ARSG: variants seen among roughly 807,000 people sequenced by gnomAD.
The protein encoded by ARSG is ASG.
In ARSG, 37 loss-of-function variants were observed where a neutral mutation model predicts 50.5. The ratio of observed to expected loss-of-function variants is 0.73; its 90% CI spans 0.56 to 0.96. ARSG has a LOEUF of 0.96. Among genes scored for constraint, ARSG ranks in the 50% least tolerant of loss-of-function variants. ARSG has a pLI of 0.00. For missense variants in ARSG, 629 were observed against 675.3 expected (o/e 0.93, Z 0.76); for synonymous variants, 225 against 254.6 (o/e 0.88, Z 1.11).
chr17:68,372,330 A>G (rs2079889437), intron 8 of ARSG, among the ~76,000 whole-genome samples: 1 of 152,182 alleles, frequency 6.6e-6, no homozygotes, highest in African/African-American at 2.4e-5. Context: ...ACTCCAAGAG[A>G]TAAAATAAAC....
intron 6 of ARSG, among the ~76,000 whole-genome samples, chr17:68,363,690 C>T (rs374226681): frequency 6.6e-6 from 1 of 152,100 alleles, no homozygotes; most frequent in Non-Finnish European, 1.5e-5. Context: ...TGGTCTCGAA[C>T]TCCTGACCTT....
intron 2 of ARSG, among the ~76,000 whole-genome samples, chr17:68,333,514 G>A (rs1266954910): frequency 2.0e-5 from 3 of 152,008 alleles, no homozygotes; most frequent in Admixed American, 6.6e-5. Context: ...TGTAATCCCA[G>A]CTACTTGGGA....
chr17:68,322,638 T>C (rs200803387), intron 2 of ARSG, among the ~76,000 whole-genome samples: 1 of 139,654 alleles, frequency 7.2e-6, no homozygotes, highest in South Asian at 2.2e-4. Context: ...TAAAAAAAAA[T>C]TAAAAAAAAA....
chr17:68,273,726 C>T (rs1422213001), intron 1 of ARSG, among the ~76,000 whole-genome samples: 1 of 152,154 alleles, frequency 6.6e-6, no homozygotes, highest in Non-Finnish European at 1.5e-5. Flanking sequence ...CAAACAAAAA[C>T]CCTTGGGCAC....
chr17:68,436,288 C>T, the ARSG span: 1 of 1,147,314 alleles, frequency 8.7e-7, no homozygotes, highest in Non-Finnish European at 1.3e-6. Context: ...CCACCGCCTC[C>T]AGCCCCCGAC....
At chr17:68,384,143 G>A in intron 8 of ARSG, among the ~76,000 whole-genome samples, 1 of 152,164 alleles carries the variant, frequency 6.6e-6, no homozygotes, top group East Asian at 1.9e-4. Context: ...ACCACAGTGT[G>A]TGTGAGCCAC....
chr17:68,284,543 C>T (rs1440675646), intron 1 of ARSG, among the ~76,000 whole-genome samples: 1 of 152,112 alleles, frequency 6.6e-6, no homozygotes, highest in African/African-American at 2.4e-5. Context: ...GTTACTAAGG[C>T]AAAGGTTTTA....
chr17:68,445,621 G>A, the ARSG span, among the ~76,000 whole-genome samples: 2 of 152,226 alleles, frequency 1.3e-5, no homozygotes, highest in Admixed American at 1.3e-4. Flanking sequence ...CCACATGAAA[G>A]CTTGTCAGGT....
chr17:68,398,187 C>A (rs751520654), intron 10 of ARSG, among the ~76,000 whole-genome samples: 2 of 152,128 alleles, frequency 1.3e-5, no homozygotes, highest in Non-Finnish European at 2.9e-5. Flanking sequence ...TACACATGTT[C>A]GCATATGCAT....
intron 1 of ARSG, chr17:68,274,219 A>G: frequency 1.3e-6 from 1 of 757,976 alleles, no homozygotes; most frequent in Non-Finnish European, 2.0e-6. Flanking sequence ...TAATCCCAGC[A>G]CTTTGGGAGG....
At chr17:68,292,473 T>C (rs1286897484) in intron 1 of ARSG, among the ~76,000 whole-genome samples, 1 of 152,170 alleles carries the variant, frequency 6.6e-6, no homozygotes, top group Admixed American at 6.5e-5. Flanking sequence ...AAACTTAGCT[T>C]CTTGGTCTCT....
At chr17:68,392,327 T>A (rs915864388) in intron 9 of ARSG, among the ~76,000 whole-genome samples, 1 of 152,118 alleles carries the variant, frequency 6.6e-6, no homozygotes, top group African/African-American at 2.4e-5. Flanking sequence ...GAGGAAGATG[T>A]GCCATAGGTA....
chr17:68,418,695 G>A (rs146624467), intron 11 of ARSG, among the ~76,000 whole-genome samples: 35 of 152,254 alleles, frequency 2.3e-4, no homozygotes, highest in African/African-American at 7.7e-4. Flanking sequence ...ATAAGAAGTC[G>A]TCAGTGGAAC....
chr17:68,436,625 G>T, the ARSG span: 1 of 668,568 alleles, frequency 1.5e-6, no homozygotes, highest in Non-Finnish European at 2.5e-6. Flanking sequence ...TTCCGCTGAT[G>T]ATTCTTCTGA....
At chr17:68,379,065 G>A (rs1267589367) in intron 8 of ARSG, among the ~76,000 whole-genome samples, 1 of 152,014 alleles carries the variant, frequency 6.6e-6, no homozygotes, top group Admixed American at 6.6e-5. Context: ...GTCTCTTTCT[G>A]GGCCTTTGGC....
intron 10 of ARSG, among the ~76,000 whole-genome samples, chr17:68,398,032 G>C (rs2081319697): frequency 6.6e-6 from 1 of 152,330 alleles, no homozygotes; most frequent in East Asian, 1.9e-4. Flanking sequence ...CTCCCAAAGT[G>C]CTGGGATTAC....
At chr17:68,277,186 C>CA (rs1431376626) in intron 1 of ARSG, among the ~76,000 whole-genome samples, 2 of 152,016 alleles carry the variant, frequency 1.3e-5, no homozygotes, top group Non-Finnish European at 2.9e-5. Flanking sequence ...GGCTGGAGTG[C>CA]AATGGCATGA....
chr17:68,434,429 T>C, the ARSG span: 1 of 854,588 alleles, frequency 1.2e-6, no homozygotes, highest in South Asian at 1.8e-5. Flanking sequence ...CCTGGGAGAG[T>C]AGTTACACTT....
chr17:68,269,911 G>T (rs1555747901), intron 1 of ARSG, among the ~76,000 whole-genome samples: 2 of 151,912 alleles, frequency 1.3e-5, no homozygotes, highest in Non-Finnish European at 2.9e-5. Context: ...GACCTCAAAT[G>T]ATCCGCCCGC....
Sources: allele counts gnomAD v4.1 joint callset (sites outside exome capture counted in the v4.1 genomes callset), GRCh38; gene constraint gnomAD v4.1.1; transcripts MANE v1.5; gene names NCBI Gene and HGNC (gene_info 2026-07-23, HGNC 2026-07-21).